Variants in PCNX3 observed in about 807,000 individuals in gnomAD.
PCNX3 encodes the protein pecanex 3.
Under a neutral mutation model 207.2 loss-of-function variants are expected in PCNX3, and 58 were observed. That is an observed-to-expected ratio of 0.28 (90% confidence interval 0.23 to 0.35). The LOEUF (loss-of-function observed/expected upper bound fraction) is 0.35, where lower values mean the gene tolerates loss of function less well. Among genes scored for constraint, PCNX3 ranks in the 10% least tolerant of loss-of-function variants. The pLI is 1.00. For synonymous variants in PCNX3, 1,337 were observed against 1,183.5 expected, an observed-to-expected ratio of 1.13 and a Z score of -2.66; for missense variants, 2,410 against 2,774.4, an observed-to-expected ratio of 0.87 and a Z score of 2.95.
intron 5 of PCNX3, 111 bp downstream of exon 5, chr11:65,617,817 C>A: frequency 6.8e-7 from 1 of 1,463,314 alleles, no homozygotes; most frequent in Non-Finnish European, 9.3e-7. Flanking sequence ...TCTGTGGGAC[C>A]TCCCCAGTGT....
rs1224992188 is a variant in PCNX3 at position 65,635,547 on chromosome 11, C to T, written c.5203C>T (p.Arg1735Cys). The T allele has an allele frequency of 6.2e-7, 1 of 1,611,210 alleles. No individual in the cohort carries two copies. Among genetic ancestry groups the T allele is most frequent in the Non-Finnish European group, 8.5e-7 (1 of 1,179,588 alleles). ...RVIKVNRECV[R>C]GLWAGQQQEL... is the part of the protein sequence containing the mutation. ...CTCTCAGGTGAACCGGGAGTGCGTG[C>T]GCGGCCTGTGGGCCGGGCAGCAGCA... The change falls in exon 32 of 35, where the codon CGC becomes TGC. Residue 1735 changes from arginine to cysteine, a missense_variant. Transcript: ENST00000355703. This position sits in a 1 kb window ranked among gnomAD's most constrained non-coding sequence, Gnocchi z 9.9.
chr11:65,620,575 G>A, intron 9 of PCNX3, 146 bp downstream of exon 9: 1 of 1,009,392 alleles, frequency 9.9e-7, no homozygotes, highest in Non-Finnish European at 1.4e-6. Flanking sequence ...GAGCAGCAAA[G>A]GACAGACCTC....
chr11:65,620,498 C>T (rs983823925), intron 9 of PCNX3, 69 bp downstream of exon 9: 4 of 1,518,724 alleles, frequency 2.6e-6, no homozygotes, highest in East Asian at 4.6e-5. Flanking sequence ...GTTCCCTGAG[C>T]CTGGAGTTTG....
chr11:65,628,741 GGCTGTGGCCTGGGGCAGT>G, intron 23 of PCNX3, 38 bp downstream of exon 23: 1 of 1,604,100 alleles, frequency 6.2e-7, no homozygotes, highest in Non-Finnish European at 8.5e-7. Flanking sequence ...GTGCAGGGAG[GGCTGTGGCCTGGGGCAGT>G]GGGGGGTGGT....
intron 22 of PCNX3, among the ~76,000 whole-genome samples, chr11:65,628,133 T>C (rs538487003): frequency 9.9e-4 from 150 of 152,260 alleles, no homozygotes; most frequent in African/African-American, 3.2e-3. Flanking sequence ...CACGTGGGCA[T>C]TCTGTTCTTG....
Position 65,616,743 on chromosome 11 carries a change from C to T in PCNX3, c.154-81C>T, listed in dbSNP as rs183781621. ...GAAATTTTCTTGTGAGTCTGTGAAT[C>T]CCAGCTATGATGTTGATGGCAGGTA... On this transcript the variant is annotated intron_variant, in intron 1 of 34. Transcript: ENST00000355703. 6.2e-4 allele frequency: 906 copies of T among 1,464,474 alleles called. 3 individuals carry two copies. The highest frequency in any genetic ancestry group is 1.2e-4 in the Non-Finnish European group (134 of 1,074,534). The allele number at this position is 1,464,474 out of a possible 1,614,324, so 90.7% of individuals were successfully genotyped here. A position where few individuals can be genotyped will look rare whatever the true frequency, so the allele number is the denominator to read the frequency against.
At chr11:65,619,277 C>G (rs1000538920) in intron 6 of PCNX3, 4 of 368,362 alleles carry the variant, frequency 1.1e-5, no homozygotes, top group African/African-American at 6.6e-5. Context: ...TGATTAGCAC[C>G]TGAGTCTCTG....
At position 65,618,389 on chromosome 11, in the gene PCNX3, G is replaced by A. The variant is rs201884679; in HGVS notation, c.1027G>A (p.Ala343Thr). 10 of 1,612,750 alleles carry A rather than the reference G, an allele frequency of 6.2e-6. No individual in the cohort carries two copies. In the East Asian group the frequency reaches 2.2e-4, roughly 36 times the overall value. Residue 343 changes from alanine to threonine, a missense_variant, in exon 6 of 35, where the codon GCT becomes ACT. Transcript: ENST00000355703. ...EGSDTDPPSEAELPASPDAGV... is the reference protein window; with the variant it reads ...EGSDTDPPSETELPASPDAGV... Reference sequence around the variant, plus strand: ...CAGCGACACAGACCCACCCTCTGAGGCTGAGCTGCCTGCCTCACCAGACGC... The same window carrying A: ...CAGCGACACAGACCCACCCTCTGAGACTGAGCTGCCTGCCTCACCAGACGC...
At chr11:65,636,032 G>C (rs2135488181) in intron 32 of PCNX3, 142 bp from the exon 33 acceptor site, 1 of 1,340,592 alleles carries the variant, frequency 7.5e-7, no homozygotes. Context: ...ACTCTGCAAA[G>C]TAGGTGGCAG....
chr11:65,631,311 C>T (rs1191445111), intron 27 of PCNX3, among the ~76,000 whole-genome samples: 1 of 152,122 alleles, frequency 6.6e-6, no homozygotes. Context: ...CTGTGTCCCT[C>T]AGCTTACCCC....
In PCNX3 at chr11:65,628,968, G is replaced by A. The variant is rs965512463; in HGVS notation, c.3941+20G>A. ...CTACAAGTGAGTCTCACAGGAGGCGGGAGCATGCCCAGCAGGGCAGGAAGG... is the reference window on the plus strand; with the variant it reads ...CTACAAGTGAGTCTCACAGGAGGCGAGAGCATGCCCAGCAGGGCAGGAAGG... On this transcript the variant is annotated intron_variant, in intron 24 of 34. Coordinates refer to ENST00000355703, the MANE Select transcript of PCNX3 (RefSeq NM_032223.4). The A allele has an allele frequency of 3.1e-6, 5 of 1,609,246 alleles. No homozygotes were observed. The highest frequency in any genetic ancestry group is 4.2e-6 in the Non-Finnish European group (5 of 1,179,530).
rs147420979 is a variant in PCNX3, at chr11:65,619,581, C to G, written c.1750C>G (p.Arg584Gly). 6.2e-7 allele frequency: 1 copy of G among 1,608,574 alleles called. No homozygotes were observed. The highest frequency in any genetic ancestry group is 1.3e-5 in the African/African-American group (1 of 74,914). ...GRRDRSSSVRRTQAIRRRHNA... is the reference protein window; with the variant it reads ...GRRDRSSSVRGTQAIRRRHNA... ...GCGGGACCGCTCAAGCAGTGTGAGGCGGACCCAGGCCATTCGGAGACGCCA... is the reference window on the plus strand; with the variant it reads ...GCGGGACCGCTCAAGCAGTGTGAGGGGGACCCAGGCCATTCGGAGACGCCA... The change falls in exon 7 of 35, where the codon CGG becomes GGG. Residue 584 changes from arginine (R) to glycine (G), a missense_variant. Arg to Gly is a moderately radical substitution (Grantham distance 125, BLOSUM62 -2). This residue lies in a region of PCNX3 where 1,104 missense variants were observed against 970.3 expected (regional missense o/e 1.14). Coordinates refer to ENST00000355703, the MANE Select transcript of PCNX3 (RefSeq NM_032223.4).
chr11:65,625,128 T>A lies in PCNX3; in HGVS notation c.2920-43T>A. 6.4e-7 allele frequency: 1 copy of A among 1,563,916 alleles called. No homozygotes were observed. The highest frequency in any genetic ancestry group is 8.7e-7 in the Non-Finnish European group (1 of 1,146,496). Reference sequence around the variant, plus strand: ...TCACACGGGGGCAGCCCGGGCCCCATGCTTACCTCACCTCCCCTGACCAGC... The same window carrying A: ...TCACACGGGGGCAGCCCGGGCCCCAAGCTTACCTCACCTCCCCTGACCAGC... On this transcript the variant is annotated intron_variant, in intron 16 of 34. Transcript: ENST00000355703. This position sits in a 1 kb window ranked among gnomAD's most constrained non-coding sequence, Gnocchi z 5.6.
Position 65,618,860 on chromosome 11 carries a change from C to T in PCNX3, c.1498C>T (p.His500Tyr), listed in dbSNP as rs1426284447. 6.2e-7 allele frequency: 1 copy of T among 1,611,050 alleles called. No homozygotes were observed. The highest frequency in any genetic ancestry group is 8.5e-7 in the Non-Finnish European group (1 of 1,179,204). ...GCCTAGTACCGCCAGCGCTAAAACA[C>T]ATGCCCGTGTGCTGAGCATGGATGG... ...RTPSTASAKTHARVLSMDGAG... is the reference protein window; with the variant it reads ...RTPSTASAKTYARVLSMDGAG... Residue 500 changes from histidine (H) to tyrosine (Y), a missense_variant, in exon 6 of 35, where the codon CAT (histidine) becomes TAT (tyrosine). His to Tyr is a moderately conservative substitution (Grantham distance 83). Transcript: ENST00000355703.
intron 20 of PCNX3, chr11:65,626,422 G>A: frequency 2.4e-6 from 1 of 421,616 alleles, no homozygotes. Context: ...CTGCATAATG[G>A]TTTTTAAAAA....
rs755905203 is a variant in PCNX3, at chr11:65,625,538, G to A, written c.3135+28G>A. ...GAGGGGGCGGGGGGTGGGGGTCTGT[G>A]GGGAGGTGGTGACAGGTCCTGGGGT... On this transcript the variant is annotated intron_variant, in intron 18 of 34. Transcript: ENST00000355703. This position sits in a 1 kb window ranked among gnomAD's most constrained non-coding sequence, Gnocchi z 5.6. 2.5e-6 allele frequency: 4 copies of A among 1,577,334 alleles called. No homozygotes were observed. In the Admixed American group the frequency reaches 5.2e-5, roughly 21 times the overall value.
Position 65,637,374 on chromosome 11 carries a change from TTTC to T in PCNX3, c.*399_*401del, listed in dbSNP as rs1474144618. 5 of 180,050 alleles carry T rather than the reference TTTC, an allele frequency of 2.8e-5. No individual in the cohort carries two copies. In the East Asian group the frequency reaches 4.6e-4, roughly 16 times the overall value. 11.2% of individuals were successfully genotyped at this position (180,050 alleles called of 1,614,324 possible). On this transcript the variant is annotated 3_prime_UTR_variant, in exon 35 of 35. Transcript: ENST00000355703. ...GGTTTCTTTCTTTCCTTTTTTTTCTTTTCTTTTTTTTTTTTTTTTTTGTGCTTC... is the reference window on the plus strand; with the variant it reads ...GGTTTCTTTCTTTCCTTTTTTTTCTTTTTTTTTTTTTTTTTTTTGTGCTTC...
intron 12 of PCNX3, 68 bp downstream of exon 12, chr11:65,623,712 C>T (rs867362300): frequency 1.7e-4 from 268 of 1,582,754 alleles, no homozygotes; most frequent in Non-Finnish European, 2.1e-4. Flanking sequence ...CCCACAACTC[C>T]AGTTTTAAGG....
At chr11:65,628,989 G>T in intron 24 of PCNX3, 41 bp downstream of exon 24, 2 of 1,603,378 alleles carry the variant, frequency 1.2e-6, no homozygotes. Context: ...AGCAGGGCAG[G>T]AAGGGAGAGG....
Sources: gnomAD v4.1 joint callset for allele counts (sites outside exome capture counted in the v4.1 genomes callset) on GRCh38, gnomAD v4.1.1 for gene constraint, gnomAD v4.1.1 regional missense constraint, Gnocchi (gnomAD v3.1) non-coding constraint, MANE v1.5 for transcripts, NCBI Gene and HGNC (gene_info 2026-07-23, HGNC 2026-07-21) for gene names.